Variants in RASAL2 observed in about 807,000 individuals in gnomAD.
RASAL2 encodes ras GTPase-activating protein nGAP.
Under a neutral mutation model 128.9 loss-of-function variants are expected in RASAL2, and 58 were observed. The observed-to-expected ratio is 0.45, with a 90% CI of 0.36 to 0.56. The LOEUF is 0.56. RASAL2 is among the 20% of genes least tolerant of loss of function. The probability of loss-of-function intolerance (pLI) is 0.00; values close to 1 mark genes in which losing one functional copy is unlikely to be tolerated. For missense variants in RASAL2, 1,360 were observed against 1,601.6 expected, an observed-to-expected ratio of 0.85 and a Z score of 2.57; for synonymous variants, 561 against 580.8, an observed-to-expected ratio of 0.97 and a Z score of 0.49.
At position 178,110,637 on chromosome 1, in the gene RASAL2, C is replaced by CATATATATATATAT. The variant is rs1553250958; in HGVS notation, c.202+15946_202+15959dup. 1.9e-3 allele frequency among the ~76,000 whole-genome samples: 29 copies of CATATATATATATAT among 15,628 alleles called. 1 individual carries two copies. In the East Asian group the frequency reaches 0.02, roughly 11 times the overall value. 10.3% of individuals were successfully genotyped at this position (15,628 alleles called of 152,430 possible). On this transcript the variant is annotated intron_variant, in intron 1 of 17. Coordinates refer to ENST00000367649, the MANE Select transcript of RASAL2 (RefSeq NM_170692.4). ...CTATATACACTATATATAGTGTATA[C>CATATATATATATAT]ATATATATATATATATGTATGTATA... is the stretch of plus-strand genomic sequence containing the variant.
chr1:178,179,050 C>CAACA (rs1440005033), intron 1 of RASAL2, among the ~76,000 whole-genome samples: 1 of 152,148 alleles, frequency 6.6e-6, no homozygotes, highest in Non-Finnish European at 1.5e-5. Context: ...GAAGTCCTTA[C>CAACA]AACATATTTG....
chr1:178,163,644 C>T (rs1661413760), intron 1 of RASAL2, among the ~76,000 whole-genome samples: 1 of 152,126 alleles, frequency 6.6e-6, no homozygotes, highest in African/African-American at 2.4e-5. Flanking sequence ...ATCTGTGTGT[C>T]TATCCTATGT....
intron 3 of RASAL2, among the ~76,000 whole-genome samples, chr1:178,377,973 C>G (rs982843830): frequency 6.7e-6 from 1 of 148,416 alleles, no homozygotes; most frequent in African/African-American, 2.5e-5. Flanking sequence ...AAAAGCAATA[C>G]AGAAGAAAAT....
intron 13 of RASAL2, among the ~76,000 whole-genome samples, chr1:178,457,361 G>C (rs1677847231): frequency 6.6e-6 from 1 of 152,182 alleles, no homozygotes. Context: ...TTCTCTTGAA[G>C]GTTTAGACAA....
chr1:178,097,676 T>C (rs1487742336), intron 1 of RASAL2, among the ~76,000 whole-genome samples: 1 of 152,184 alleles, frequency 6.6e-6, no homozygotes, highest in Non-Finnish European at 1.5e-5. Context: ...TCCTGCAATA[T>C]ACTTCTGTTT....
intron 3 of RASAL2, among the ~76,000 whole-genome samples, chr1:178,385,201 C>T (rs1191138306): frequency 6.6e-6 from 1 of 152,150 alleles, no homozygotes; most frequent in Non-Finnish European, 1.5e-5. Flanking sequence ...GCCTGTAACC[C>T]TAGCACTTTG....
Position 178,103,875 on chromosome 1 carries a change from T to G in RASAL2, c.202+9181T>G, listed in dbSNP as rs1206115265. Reference sequence around the variant, plus strand: ...TTCTTACACAATTGAATGTATCGGATTTTTCTTTTATGGCTTTTTGGTTTT... The same window carrying G: ...TTCTTACACAATTGAATGTATCGGAGTTTTCTTTTATGGCTTTTTGGTTTT... On this transcript the variant is annotated intron_variant, in intron 1 of 17. Coordinates refer to ENST00000367649, the MANE Select transcript of RASAL2 (RefSeq NM_170692.4). Among the ~76,000 whole-genome samples the G allele has an allele frequency of 3.3e-5, 5 of 152,242 alleles. No homozygotes were observed. In the East Asian group the frequency reaches 9.7e-4, roughly 29 times the overall value.
intron 1 of RASAL2, among the ~76,000 whole-genome samples, chr1:178,260,981 A>G (rs1665667041): frequency 6.6e-6 from 1 of 152,202 alleles, no homozygotes; most frequent in African/African-American, 2.4e-5. Flanking sequence ...TTGTTCTATA[A>G]TCTTGGCGTT....
intron 4 of RASAL2, among the ~76,000 whole-genome samples, chr1:178,413,517 A>G (rs1263129860): frequency 6.6e-6 from 1 of 152,216 alleles, no homozygotes; most frequent in East Asian, 1.9e-4. Flanking sequence ...AGGCTGGTTT[A>G]CTGCAGTTCC....
intron 3 of RASAL2, among the ~76,000 whole-genome samples, chr1:178,382,953 A>T (rs1363115306): frequency 6.6e-6 from 1 of 152,146 alleles, no homozygotes; most frequent in Admixed American, 6.5e-5. Flanking sequence ...GTTTGCACTA[A>T]AAGTATTCTC....
At chr1:178,259,254 C>T (rs1665540119) in intron 1 of RASAL2, among the ~76,000 whole-genome samples, 1 of 150,970 alleles carries the variant, frequency 6.6e-6, no homozygotes, top group Admixed American at 6.6e-5. Flanking sequence ...CCTCAGCCTC[C>T]CGAGTAGCTG....
chr1:178,454,196 TAAA>T (rs56786408), intron 11 of RASAL2, among the ~76,000 whole-genome samples: 7 of 80,212 alleles, frequency 8.7e-5, no homozygotes, highest in Admixed American at 2.6e-4. Flanking sequence ...ATCCCAGAAC[TAAA>T]AAAAAAAAAA....
At position 178,374,218 on chromosome 1, in the gene RASAL2, TG is replaced by T. The variant is rs1671875628; in HGVS notation, c.458-15881del. On this transcript the variant is annotated intron_variant, in intron 3 of 17. Transcript: ENST00000367649. ...ACAAAACTATCTGAGATGTAGCTTG[TG>T]ATAGTTCGAGGATTAAGTAAAACCC... Among the ~76,000 whole-genome samples the T allele has an allele frequency of 4.6e-5, 7 of 152,162 alleles. No individual in the cohort carries two copies. The South Asian group carries it at 1.4e-3, about 31-fold the overall frequency.
intron 1 of RASAL2, among the ~76,000 whole-genome samples, chr1:178,211,577 A>G (rs1438331757): frequency 6.6e-6 from 1 of 152,132 alleles, no homozygotes; most frequent in Non-Finnish European, 1.5e-5. Flanking sequence ...AGTACCTGAA[A>G]TGGATCGTGC....
chr1:178,442,601 T>C (rs1676728645), intron 7 of RASAL2, 74 bp from the exon 8 acceptor site: 9 of 1,327,548 alleles, frequency 6.8e-6, no homozygotes, highest in Non-Finnish European at 9.3e-6. Flanking sequence ...TAATGAACAT[T>C]GCCAACTTAA....
intron 1 of RASAL2, among the ~76,000 whole-genome samples, chr1:178,204,567 T>G (rs1367908003): frequency 6.6e-6 from 1 of 152,212 alleles, no homozygotes; most frequent in Non-Finnish European, 1.5e-5. Flanking sequence ...ACAAAACTAC[T>G]TGCTGATGTT....
At chr1:178,396,828 A>AAC (rs1673264217) in intron 4 of RASAL2, among the ~76,000 whole-genome samples, 1 of 146,650 alleles carries the variant, frequency 6.8e-6, no homozygotes, top group African/African-American at 2.5e-5. Flanking sequence ...GTGGCTGGTA[A>AAC]AAAAAAAAAA....
intron 4 of RASAL2, among the ~76,000 whole-genome samples, chr1:178,416,038 G>A (rs905591485): frequency 7.2e-5 from 11 of 152,028 alleles, no homozygotes; most frequent in African/African-American, 2.7e-4. Flanking sequence ...GGGGTATTTA[G>A]ACTATTGACG....
intron 1 of RASAL2, among the ~76,000 whole-genome samples, chr1:178,101,054 A>G (rs974177706): frequency 6.6e-6 from 1 of 152,184 alleles, no homozygotes; most frequent in African/African-American, 2.4e-5. Context: ...TAAGGCTAGC[A>G]TGTAGAAAAC....
Sources: gnomAD v4.1 joint callset for allele counts (sites outside exome capture counted in the v4.1 genomes callset) on GRCh38, gnomAD v4.1.1 for gene constraint, MANE v1.5 for transcripts, NCBI Gene and HGNC (gene_info 2026-07-23, HGNC 2026-07-21) for gene names.